The following FOXP3 variants were observed in gnomAD, a reference collection of about 807,000 sequenced individuals.
The protein encoded by FOXP3 is forkhead box protein P3.
A neutral mutation model predicts 31.2 loss-of-function variants in FOXP3; 5 were observed. The observed-to-expected ratio is 0.16, with a 90% CI of 0.08 to 0.34. FOXP3 has a LOEUF of 0.34. Ranked by LOEUF, FOXP3 falls within the 10% of genes least tolerant of loss-of-function variation. The pLI is 1.00. For synonymous variants in FOXP3, 141 were observed against 148.8 expected, an observed-to-expected ratio of 0.95 and a Z score of 0.38; for missense variants, 251 against 363.0, an observed-to-expected ratio of 0.69 and a Z score of 2.51.
chrX:49,256,692 C>T (rs782132525), intron 6 of FOXP3, 59 bp downstream of exon 6: 8 of 1,015,263 alleles, frequency 7.9e-6, no homozygotes, highest in Non-Finnish European at 1.1e-5. Context: ...GAGATCTGCA[C>T]CCTAGACCTC....
Sources: allele counts gnomAD v4.1 joint callset, GRCh38; gene constraint gnomAD v4.1.1; transcripts MANE v1.5; gene names NCBI Gene and HGNC (gene_info 2026-07-23, HGNC 2026-07-21).